CENPF: variants seen among roughly 807,000 people sequenced by gnomAD.
CENPF encodes the protein centromere protein F, also known as AH antigen.
Under a neutral mutation model 307.3 loss-of-function variants are expected in CENPF, and 214 were observed. That is an observed-to-expected ratio of 0.70 (90% CI 0.62 to 0.78). The LOEUF (loss-of-function observed/expected upper bound fraction) is 0.78. Among genes scored for constraint, CENPF ranks in the 30% least tolerant of loss-of-function variants. The pLI, the probability that CENPF is intolerant of heterozygous loss-of-function variation, is 0.00. For missense variants in CENPF, 3,401 were observed against 3,483.9 expected, an observed-to-expected ratio of 0.98 and a Z score of 0.60; for synonymous variants, 1,259 against 1,270.6, an observed-to-expected ratio of 0.99 and a Z score of 0.19.
rs1351291275 is a variant in CENPF at position 214,605,574 on chromosome 1, C to T, written c.-42+2253C>T. ...CAGCCCCTGGGTTGGAGCGGGGTCC[C>T]CTGGGCCGCCCGGGGGTCCACATGC... On this transcript the variant is annotated intron_variant, in intron 1 of 19. Transcript: ENST00000366955. The T allele has an allele frequency of 5.1e-6, 5 of 983,846 alleles. No individual in the cohort carries two copies. In the Admixed American group the frequency reaches 1.2e-4, roughly 23 times the overall value. The allele number at this position is 983,846 out of a possible 1,614,324, so 60.9% of individuals were successfully genotyped here.
chr1:214,618,717 A>T (rs1490418621), intron 4 of CENPF, 23 bp downstream of exon 4: 7 of 1,591,700 alleles, frequency 4.4e-6, no homozygotes, highest in African/African-American at 1.4e-5. Context: ...CTTCCTTGGT[A>T]TAGACAGCTT....
intron 9 of CENPF, among the ~76,000 whole-genome samples, chr1:214,631,278 T>C (rs1369980147): frequency 6.6e-6 from 1 of 152,212 alleles, no homozygotes; most frequent in African/African-American, 2.4e-5. Flanking sequence ...ATGTCACTTC[T>C]ATTCTTCTTT....
At chr1:214,660,606 A>G (rs1658765050) in intron 19 of CENPF, among the ~76,000 whole-genome samples, 1 of 152,180 alleles carries the variant, frequency 6.6e-6, no homozygotes, top group Admixed American at 6.5e-5. Context: ...GGGTCCCGAT[A>G]TGGGCCATAC....
At chr1:214,618,299 T>C (rs1211626733) in intron 3 of CENPF, among the ~76,000 whole-genome samples, 2 of 152,222 alleles carry the variant, frequency 1.3e-5, no homozygotes, top group Non-Finnish European at 2.9e-5. Context: ...GTGGTTATTA[T>C]AGATCTTCCT....
At chr1:214,656,393 A>G (rs564668903) in intron 17 of CENPF, among the ~76,000 whole-genome samples, 2 of 152,304 alleles carry the variant, frequency 1.3e-5, no homozygotes, top group Non-Finnish European at 2.9e-5. Flanking sequence ...TGGCAGCTAC[A>G]AGTTGACCAA....
chr1:214,653,528 G>A (rs995503395), intron 16 of CENPF: 3 of 154,378 alleles, frequency 1.9e-5, no homozygotes, highest in Non-Finnish European at 4.4e-5. Context: ...CTAGTCTCAA[G>A]ATGGTACCAC....
intron 1 of CENPF, among the ~76,000 whole-genome samples, chr1:214,606,954 G>T (rs1203524407): frequency 6.6e-6 from 1 of 152,260 alleles, no homozygotes; most frequent in Non-Finnish European, 1.5e-5. Flanking sequence ...GCATGGGCAG[G>T]TGTGCGTCCC....
At position 214,642,929 on chromosome 1, in the gene CENPF, C is replaced by A. The variant is rs765490848; in HGVS notation, c.4591C>A (p.Leu1531Met). Residue 1531 changes from leucine (L) to methionine (M), a missense_variant, in exon 12 of 20, where the codon CTG becomes ATG. Transcript: ENST00000366955. ...CSVDEVFCSSLQEENLTRKET... is the reference protein window; with the variant it reads ...CSVDEVFCSSMQEENLTRKET... ...TGTAGATGAAGTATTTTGCAGCAGT[C>A]TGCAGGAGGAGAATCTGACCAGGAA... 9 of 1,613,316 alleles carry A rather than the reference C, an allele frequency of 5.6e-6. No homozygotes were observed. In the Admixed American group the frequency reaches 1.5e-4, roughly 27 times the overall value.
chr1:214,646,396 TG>T lies in CENPF; in HGVS notation c.6827del (p.Cys2276LeufsTer7). 6.2e-7 allele frequency: 1 copy of T among 1,614,108 alleles called. No homozygotes were observed. Among genetic ancestry groups the T allele is most frequent in the Non-Finnish European group, 8.5e-7 (1 of 1,180,028 alleles). On this transcript the variant is annotated frameshift_variant, in exon 13 of 20. Transcript: ENST00000366955. LOFTEE classifies it high-confidence loss of function. ...GCTAAATGAGGCAGTAGCAGCCTTG[TG>T]TGGTGACCAAGAAATTATGAAGGCC... ...KELNEAVAAL[C>X]GDQEIMKATE...
chr1:214,662,328 T>A (rs1166412081), intron 19 of CENPF, among the ~76,000 whole-genome samples: 1 of 152,154 alleles, frequency 6.6e-6, no homozygotes, highest in African/African-American at 2.4e-5. Flanking sequence ...AATTTTCCAT[T>A]AAGTCCTGAC....
At chr1:214,657,804 T>C (rs1313170804) in intron 18 of CENPF, among the ~76,000 whole-genome samples, 1 of 152,198 alleles carries the variant, frequency 6.6e-6, no homozygotes, top group Non-Finnish European at 1.5e-5. Flanking sequence ...GACTACACTT[T>C]GTTTTGTTTT....
chr1:214,653,627 A>G (rs1658551443), intron 16 of CENPF: 1 of 154,314 alleles, frequency 6.5e-6, no homozygotes, highest in Admixed American at 6.5e-5. Flanking sequence ...ATGAACCTGG[A>G]TAATAAATAT....
chr1:214,642,217 G>T lies in CENPF; in HGVS notation c.3879G>T (p.Leu1293=), dbSNP rs567496802. 1.7e-5 allele frequency: 27 copies of T among 1,614,130 alleles called. No homozygotes were observed. The South Asian group carries it at 2.5e-4, about 15-fold the overall frequency. Residue 1293 remains leucine (L), a synonymous_variant, in exon 12 of 20, where the codon CTG becomes CTT. Coordinates refer to ENST00000366955, the MANE Select transcript of CENPF (RefSeq NM_016343.4). The stretch of plus-strand genomic sequence containing the variant: ...ACAATGCACACCTTCAGTGCTCTCT[G>T]CAAACAACAATGAACAAGCTGAATG... ...QNDNAHLQCS[L]QTTMNKLNEL...
chr1:214,654,952 G>A (rs1044268737), intron 16 of CENPF, among the ~76,000 whole-genome samples: 5 of 151,568 alleles, frequency 3.3e-5, no homozygotes, highest in Admixed American at 6.6e-5. Context: ...AATCCAATGC[G>A]ATTCCCATTG....
chr1:214,605,778 G>A (rs1305190492), intron 1 of CENPF: 54 of 1,592,756 alleles, frequency 3.4e-5, no homozygotes, highest in Non-Finnish European at 4.4e-5. Context: ...TCCACCCACA[G>A]CGGCTCCACC....
chr1:214,608,792 G>A lies in CENPF; in HGVS notation c.-41-4922G>A, dbSNP rs544727196. ...TTGGCAGCGATGCGGCCGGGGCAGG[G>A]CGGGCAGCAGAAGAGGCAGCAGAGC... On this transcript the variant is annotated intron_variant, in intron 1 of 19. Coordinates refer to ENST00000366955, the MANE Select transcript of CENPF (RefSeq NM_016343.4). 118 of 1,600,276 alleles carry A rather than the reference G, an allele frequency of 7.4e-5. 1 individual carries two copies. The South Asian group carries it at 9.7e-4, about 13-fold the overall frequency.
At chr1:214,637,452 CAT>C (rs1024580111) in intron 10 of CENPF, among the ~76,000 whole-genome samples, 5 of 151,222 alleles carry the variant, frequency 3.3e-5, no homozygotes, top group African/African-American at 1.2e-4. Flanking sequence ...GAAAAGTAAA[CAT>C]ATGTGCTGAG....
intron 15 of CENPF, among the ~76,000 whole-genome samples, chr1:214,652,444 C>CTT (rs34873218): frequency 1.6e-4 from 19 of 120,940 alleles, no homozygotes; most frequent in East Asian, 1.3e-3. Flanking sequence ...TTTTTCTTTT[C>CTT]TTTTTTTTTT....
intron 1 of CENPF, among the ~76,000 whole-genome samples, chr1:214,604,939 T>A (rs1656983236): frequency 6.6e-6 from 1 of 152,136 alleles, no homozygotes; most frequent in African/African-American, 2.4e-5. Context: ...TCCCTCTTAA[T>A]TTTTTTTATT....
Sources: allele counts gnomAD v4.1 joint callset (sites outside exome capture counted in the v4.1 genomes callset), GRCh38; gene constraint gnomAD v4.1.1; transcripts MANE v1.5; gene names NCBI Gene and HGNC (gene_info 2026-07-23, HGNC 2026-07-21).